Variants in PATJ observed in about 807,000 individuals in gnomAD.
PATJ encodes PATJ crumbs cell polarity complex component, also known as inaD-like protein.
In PATJ, 190 loss-of-function variants were observed where a neutral mutation model predicts 224.9. The observed-to-expected ratio is 0.84, with a 90% CI of 0.75 to 0.95. The LOEUF is 0.95. Among genes scored for constraint, PATJ ranks in the 40% least tolerant of loss-of-function variants. PATJ has a pLI of 0.00. For missense variants in PATJ, 2,121 were observed against 2,270.3 expected, an observed-to-expected ratio of 0.93 and a Z score of 1.34; for synonymous variants, 769 against 820.3, an observed-to-expected ratio of 0.94 and a Z score of 1.07.
chr1:62,097,544 GA>G (rs1353240217), intron 33 of PATJ, among the ~76,000 whole-genome samples: 2 of 152,150 alleles, frequency 1.3e-5, no homozygotes, highest in African/African-American at 2.4e-5. Context: ...TGGAGGGAGA[GA>G]GGCCCAGCCA....
chr1:61,835,932 C>CTA (rs1209645670), intron 17 of PATJ, among the ~76,000 whole-genome samples: 1 of 152,118 alleles, frequency 6.6e-6, no homozygotes, highest in Non-Finnish European at 1.5e-5. Flanking sequence ...TTGTAGGAAT[C>CTA]TATATATATT....
chr1:62,054,729 C>T (rs748571260), intron 31 of PATJ, among the ~76,000 whole-genome samples: 1 of 152,116 alleles, frequency 6.6e-6, no homozygotes, highest in African/African-American at 2.4e-5. Flanking sequence ...AAAACAGTTT[C>T]ATCTATAATC....
rs370155855 is a variant in PATJ at position 61,937,650 on chromosome 1, C to CTT, written c.3670+9837_3670+9838dup. Among the ~76,000 whole-genome samples the CTT allele has an allele frequency of 6.9e-3, 921 of 133,000 alleles. 25 individuals are homozygous for CTT. Among genetic ancestry groups the CTT allele is most frequent in the Middle Eastern group, 0.016 (4 of 254 alleles). The allele number at this position is 133,000 out of a possible 152,430, so 87.3% of individuals were successfully genotyped here. A position where few individuals can be genotyped will look rare whatever the true frequency, so the allele number is the denominator to read the frequency against. ...GATAATGACGAGGGACTTTCTTCTT[C>CTT]TTTTTTTTTTTTTTTTTGAGACGGA... On this transcript the variant is annotated intron_variant, in intron 27 of 43. Transcript: ENST00000642238.
At chr1:61,742,885 A>G (rs1300823965) in intron 1 of PATJ, among the ~76,000 whole-genome samples, 1 of 151,488 alleles carries the variant, frequency 6.6e-6, no homozygotes, top group African/African-American at 2.4e-5. Flanking sequence ...GGCCGCGGGC[A>G]GGGAGGGGCG....
At chr1:61,861,328 TTTTC>T (rs1448878164) in intron 18 of PATJ, among the ~76,000 whole-genome samples, 122 of 139,446 alleles carry the variant, frequency 8.7e-4, no homozygotes, top group African/African-American at 2.9e-3. Flanking sequence ...ATCTTTTCTT[TTTTC>T]TTTCTTTCTT....
chr1:61,865,775 C>T (rs950617118), intron 20 of PATJ, among the ~76,000 whole-genome samples: 1 of 152,060 alleles, frequency 6.6e-6, no homozygotes, highest in Non-Finnish European at 1.5e-5. Context: ...TCATATGCAG[C>T]GTGTTGCTTC....
intron 30 of PATJ, among the ~76,000 whole-genome samples, chr1:62,049,243 T>TCTCACA (rs377535089): frequency 1.5e-5 from 2 of 137,198 alleles, no homozygotes; most frequent in African/African-American, 5.5e-5. Context: ...AAGTAAGCAA[T>TCTCACA]CACACACACA....
chr1:61,832,674 A>T (rs1659548957), intron 16 of PATJ, among the ~76,000 whole-genome samples: 1 of 151,858 alleles, frequency 6.6e-6, no homozygotes, highest in Non-Finnish European at 1.5e-5. Flanking sequence ...ACCATGGTAA[A>T]CTCTGTGGTA....
At chr1:61,962,357 G>T (rs1213817933) in intron 27 of PATJ, among the ~76,000 whole-genome samples, 2 of 152,214 alleles carry the variant, frequency 1.3e-5, no homozygotes, top group Non-Finnish European at 2.9e-5. Flanking sequence ...CATGTAATTT[G>T]GAGGGGCTTG....
At chr1:61,890,342 G>A (rs1669433705) in intron 22 of PATJ, among the ~76,000 whole-genome samples, 1 of 152,140 alleles carries the variant, frequency 6.6e-6, no homozygotes, top group East Asian at 1.9e-4. Context: ...AGCCTGATAT[G>A]TTGGTGCATG....
chr1:61,770,989 A>G (rs568045832), intron 5 of PATJ, among the ~76,000 whole-genome samples: 13 of 151,786 alleles, frequency 8.6e-5, no homozygotes, highest in African/African-American at 3.1e-4. Flanking sequence ...GCCTCTATTG[A>G]TAAATATTGG....
intron 31 of PATJ, among the ~76,000 whole-genome samples, chr1:62,061,019 G>A (rs1558111304): frequency 6.6e-6 from 1 of 151,510 alleles, no homozygotes; most frequent in Non-Finnish European, 1.5e-5. Context: ...GATACAGGGG[G>A]TACATGTGCA....
rs532358909 is a variant in PATJ at position 61,931,109 on chromosome 1, G to A, written c.3670+3280G>A. Among the ~76,000 whole-genome samples, 7 of 152,308 alleles carry A rather than the reference G, an allele frequency of 4.6e-5. No homozygotes were observed. The South Asian group carries it at 1.0e-3, about 23-fold the overall frequency. On this transcript the variant is annotated intron_variant, in intron 27 of 43. Coordinates refer to ENST00000642238, the MANE Select transcript of PATJ (RefSeq NM_001350145.3). ...TTCCCAAAGTGCTGGGATTATAGGC[G>A]TGAGCCATCACACACTAGTCTAAAG...
intron 33 of PATJ, among the ~76,000 whole-genome samples, chr1:62,089,936 A>G (rs1660513240): frequency 6.6e-6 from 1 of 152,086 alleles, no homozygotes; most frequent in African/African-American, 2.4e-5. Context: ...CCTTCTTAAC[A>G]TCTGCTCCAA....
intron 26 of PATJ, among the ~76,000 whole-genome samples, chr1:61,921,714 T>TA (rs936245435): frequency 6.6e-6 from 1 of 151,806 alleles, no homozygotes; most frequent in Non-Finnish European, 1.5e-5. Context: ...ATTATATTTG[T>TA]AAAAAAGTCT....
At position 61,901,421 on chromosome 1, in the gene PATJ, A is replaced by T. The variant is rs752945837; in HGVS notation, c.3343A>T (p.Lys1115Ter). Reference protein sequence around the residue: ...KQVLEDSPAGKTNALKTGDKI... With the variant: ...KQVLEDSPAG ...AGTTTTAGAAGACAGTCCAGCAGGG[A>T]AGACGAACGCACTTAAAACTGGAGA... Residue 1115 changes from lysine (K) to a stop codon, truncating the protein, a stop_gained, in exon 24 of 44, where the codon AAG becomes TAG. Transcript: ENST00000642238. LOFTEE classifies it high-confidence loss of function. 1 of 1,585,716 alleles carries T rather than the reference A, an allele frequency of 6.3e-7. No individual in the cohort carries two copies. Among genetic ancestry groups the T allele is most frequent in the African/African-American group, 1.4e-5 (1 of 73,088 alleles).
chr1:62,055,897 A>T (rs947181190), intron 31 of PATJ, among the ~76,000 whole-genome samples: 1 of 152,218 alleles, frequency 6.6e-6, no homozygotes, highest in Non-Finnish European at 1.5e-5. Context: ...CAGGGGAGCC[A>T]GGAGCAAATT....
At chr1:62,077,398 G>C (rs931148596) in intron 31 of PATJ, among the ~76,000 whole-genome samples, 1 of 152,078 alleles carries the variant, frequency 6.6e-6, no homozygotes, top group African/African-American at 2.4e-5. Flanking sequence ...ATTAAATGAT[G>C]CTGATAGTGG....
At position 61,918,369 on chromosome 1, in the gene PATJ, A is replaced by G. The variant is rs538825969; in HGVS notation, c.3570+3705A>G. Among the ~76,000 whole-genome samples, 105 of 141,542 alleles carry G rather than the reference A, an allele frequency of 7.4e-4. 2 individuals are homozygous for G. The South Asian group carries it at 0.021, about 28-fold the overall frequency. The allele number at this position is 141,542 out of a possible 152,430, so 92.9% of individuals were successfully genotyped here. A position where few individuals can be genotyped will look rare whatever the true frequency, so the allele number is the denominator to read the frequency against. On this transcript the variant is annotated intron_variant, in intron 26 of 43. Coordinates refer to ENST00000642238, the MANE Select transcript of PATJ (RefSeq NM_001350145.3). ...GTCACCCAGGCTGGAGTGAAGTGGCATGGCATCAGCTCACTGCAACCTCCG... is the reference window on the plus strand; with the variant it reads ...GTCACCCAGGCTGGAGTGAAGTGGCGTGGCATCAGCTCACTGCAACCTCCG...
Sources: gnomAD v4.1 joint callset for allele counts (sites outside exome capture counted in the v4.1 genomes callset) on GRCh38, gnomAD v4.1.1 for gene constraint, MANE v1.5 for transcripts, NCBI Gene and HGNC (gene_info 2026-07-23, HGNC 2026-07-21) for gene names.